ZNF585B: variants seen among roughly 807,000 people sequenced by gnomAD.
ZNF585B encodes the protein zinc finger protein 585B.
A neutral mutation model predicts 14.0 loss-of-function variants in ZNF585B; 7 were observed. The ratio of observed to expected loss-of-function variants is 0.50; its 90% CI spans 0.28 to 0.94. The LOEUF is 0.94. ZNF585B is among the 40% of genes least tolerant of loss of function. The probability of loss-of-function intolerance (pLI) is 0.09; values close to 1 mark genes in which losing one functional copy is unlikely to be tolerated. For missense variants in ZNF585B, 750 were observed against 924.4 expected (o/e 0.81, Z 2.45); for synonymous variants, 290 against 317.3 (o/e 0.91, Z 0.91).
Position 37,204,967 on chromosome 19 carries a change from C to T in ZNF585B, c.72+2073G>A, listed in dbSNP as rs540506058. The stretch of plus-strand genomic sequence containing the variant: ...GTCACCATGTTGGCTAGGCTGGTCT[C>T]GAACTCCTGACCTCAGGCAATCTGC... On this transcript the variant is annotated intron_variant, in intron 2 of 4. Coordinates refer to ENST00000532828, the MANE Select transcript of ZNF585B (RefSeq NM_152279.4). Among the ~76,000 whole-genome samples the T allele has an allele frequency of 1.7e-4, 26 of 152,262 alleles. No homozygotes were observed. In the East Asian group the frequency reaches 2.1e-3, roughly 12 times the overall value.
At chr19:37,199,086 CTT>C in intron 2 of ZNF585B, 1 of 1,257,510 alleles carries the variant, frequency 8.0e-7, no homozygotes, top group Non-Finnish European at 1.1e-6. Flanking sequence ...TAATTTTTCT[CTT>C]TATCATACAC....
rs778602187 is a variant in ZNF585B at position 37,190,028 on chromosome 19, T to C, written c.195A>G (p.Ser65=). Residue 65 remains serine, a synonymous_variant, in exon 3 of 5, where the codon TCA becomes TCG. Transcript: ENST00000532828. ...TACCAAGGTGACTGTGCTTACCTAC[T>C]GAGAGCAGGTGGCTGTAGGTCTCCA... ...VMLETYSHLL[S]VGYQVPKPEV... 1.2e-6 allele frequency: 2 copies of C among 1,614,050 alleles called. No individual in the cohort carries two copies. Among genetic ancestry groups the C allele is most frequent in the Non-Finnish European group, 1.7e-6 (2 of 1,179,972 alleles).
chr19:37,198,802 T>G (rs369383555), intron 2 of ZNF585B: 1 of 383,932 alleles, frequency 2.6e-6, no homozygotes, highest in Non-Finnish European at 4.6e-6. Context: ...TTATTTATTG[T>G]ATAAAGATTC....
intron 2 of ZNF585B, among the ~76,000 whole-genome samples, chr19:37,191,569 G>A (rs913423142): frequency 4.0e-5 from 6 of 151,132 alleles, no homozygotes; most frequent in African/African-American, 1.2e-4. Flanking sequence ...AGTGAGCTGA[G>A]ATTATGCCAC....
intron 3 of ZNF585B, 112 bp from the exon 4 acceptor site, chr19:37,189,865 T>G: frequency 6.4e-7 from 1 of 1,570,080 alleles, no homozygotes; most frequent in Non-Finnish European, 8.7e-7. Flanking sequence ...TAACCAGATA[T>G]CTCTGAGTAA....
intron 4 of ZNF585B, chr19:37,189,420 G>GGAAA: frequency 2.0e-6 from 1 of 489,992 alleles, no homozygotes; most frequent in East Asian, 3.7e-5. Flanking sequence ...TACAGAAAAG[G>GGAAA]AATATAATAA....
In ZNF585B at chr19:37,205,758, A is replaced by T. The variant is rs1337258515; in HGVS notation, c.72+1282T>A. Among the ~76,000 whole-genome samples the T allele has an allele frequency of 2.0e-5, 3 of 152,124 alleles. No homozygotes were observed. The East Asian group carries it at 5.8e-4, about 29-fold the overall frequency. On this transcript the variant is annotated intron_variant, in intron 2 of 4. Transcript: ENST00000532828. ...ATTAAACTATTCCTAATAAATTATC[A>T]CAATATCTTCAGATGGATAAGAAAT...
chr19:37,201,296 C>A (rs1655716799), intron 2 of ZNF585B, among the ~76,000 whole-genome samples: 1 of 151,992 alleles, frequency 6.6e-6, no homozygotes, highest in African/African-American at 2.4e-5. Context: ...ATCTCAGATG[C>A]CATTACTGTC....
At chr19:37,206,165 A>G (rs567999771) in intron 2 of ZNF585B, among the ~76,000 whole-genome samples, 1 of 152,066 alleles carries the variant, frequency 6.6e-6, no homozygotes, top group African/African-American at 2.4e-5. Context: ...AAAATTTAGG[A>G]AACAGGCTGG....
chr19:37,196,738 C>T (rs1034982852), intron 2 of ZNF585B, among the ~76,000 whole-genome samples: 4 of 152,064 alleles, frequency 2.6e-5, no homozygotes, highest in Non-Finnish European at 4.4e-5. Context: ...TTTTGATTTT[C>T]TTAAAAGCAT....
chr19:37,194,526 T>C (rs1490736045), intron 2 of ZNF585B, among the ~76,000 whole-genome samples: 2 of 152,026 alleles, frequency 1.3e-5, no homozygotes, highest in Admixed American at 6.6e-5. Flanking sequence ...GGGAGGAGAA[T>C]TGTTTGAACC....
chr19:37,188,524 C>G (rs1438212914), intron 4 of ZNF585B, among the ~76,000 whole-genome samples: 1 of 151,936 alleles, frequency 6.6e-6, no homozygotes, highest in Non-Finnish European at 1.5e-5. Flanking sequence ...CAAAAATTAG[C>G]CAGGCGTGGT....
At chr19:37,187,434 C>G (rs1972351995) in intron 4 of ZNF585B, among the ~76,000 whole-genome samples, 190 bp from the exon 5 acceptor site, 1 of 152,032 alleles carries the variant, frequency 6.6e-6, no homozygotes, top group South Asian at 2.1e-4. Context: ...CATGAATTAT[C>G]CTTCTGATAG....
At position 37,198,889 on chromosome 19, in the gene ZNF585B, A is replaced by G. The variant is rs572750705; in HGVS notation, c.72+8151T>C. The G allele has an allele frequency of 1.8e-5, 20 of 1,115,956 alleles. 1 individual carries two copies. In the Admixed American group the frequency reaches 2.5e-4, roughly 14 times the overall value. The allele number at this position is 1,115,956 out of a possible 1,614,324, so 69.1% of individuals were successfully genotyped here. On this transcript the variant is annotated intron_variant, in intron 2 of 4. Coordinates refer to ENST00000532828, the MANE Select transcript of ZNF585B (RefSeq NM_152279.4). ...AGATGGAAGTGGAAAGAAAAGTACT[A>G]AAGATATTTATAATTTTTAATATGT... is the stretch of plus-strand genomic sequence containing the variant.
intron 2 of ZNF585B, among the ~76,000 whole-genome samples, chr19:37,195,580 T>C (rs962480696): frequency 1.3e-5 from 2 of 151,948 alleles, no homozygotes; most frequent in Admixed American, 1.3e-4. Flanking sequence ...AATATGGGAA[T>C]ACAAACACTT....
Position 37,187,223 on chromosome 19 carries a change from T to C in ZNF585B, c.314A>G (p.Asn105Ser). The C allele has an allele frequency of 6.2e-7, 1 of 1,609,064 alleles. No individual in the cohort carries two copies. The change falls in exon 5 of 5, where the codon AAT (asparagine) becomes AGT (serine). Residue 105 changes from asparagine to serine, a missense_variant. Coordinates refer to ENST00000532828, the MANE Select transcript of ZNF585B (RefSeq NM_152279.4). ...SCPGEKLWDH[N>S]QHRKIIGYKP... ...ATAACCGATGATTTTTCTATGTTGA[T>C]TATGGTCCCATAATTTCTCTCCTGT... is the stretch of plus-strand genomic sequence containing the variant.
At chr19:37,206,511 G>A (rs1972589192) in intron 2 of ZNF585B, among the ~76,000 whole-genome samples, 1 of 151,758 alleles carries the variant, frequency 6.6e-6, no homozygotes, top group Non-Finnish European at 1.5e-5. Context: ...AAAACATTAA[G>A]TTAAAATGTG....
chr19:37,206,359 G>A (rs1972587265), intron 2 of ZNF585B, among the ~76,000 whole-genome samples: 1 of 151,372 alleles, frequency 6.6e-6, no homozygotes, highest in South Asian at 2.1e-4. Context: ...GCTGAGGCAG[G>A]AGAATCTCTT....
chr19:37,187,244 C>G lies in ZNF585B; in HGVS notation c.293G>C (p.Gly98Ala). The change falls in exon 5 of 5, where the codon GGA (glycine) becomes GCA (alanine). Residue 98 changes from glycine (G) to alanine (A), a missense_variant and splice_region_variant. By Grantham distance (60) the Gly-to-Ala change is moderately conservative (BLOSUM62 0). Coordinates refer to ENST00000532828, the MANE Select transcript of ZNF585B (RefSeq NM_152279.4). ...QGERPRHSCP[G>A]EKLWDHNQHR... ...TTGATTATGGTCCCATAATTTCTCTCCTGTTGGAGTACATTCACAGTAAGT... is the reference window on the plus strand; with the variant it reads ...TTGATTATGGTCCCATAATTTCTCTGCTGTTGGAGTACATTCACAGTAAGT... 1 of 1,596,076 alleles carries G rather than the reference C, an allele frequency of 6.3e-7. No homozygotes were observed. Among genetic ancestry groups the G allele is most frequent in the Non-Finnish European group, 8.5e-7 (1 of 1,171,344 alleles).
Sources: allele counts gnomAD v4.1 joint callset (sites outside exome capture counted in the v4.1 genomes callset), GRCh38; gene constraint gnomAD v4.1.1; transcripts MANE v1.5; gene names NCBI Gene and HGNC (gene_info 2026-07-23, HGNC 2026-07-21).